The following STPG1 variants were observed in gnomAD, a reference collection of about 807,000 sequenced individuals.
STPG1 encodes sperm tail PG-rich repeat containing 1, also known as O(6)-methylguanine-induced apoptosis 2.
STPG1 carries 33 observed loss-of-function variants against 40.1 expected under a neutral mutation model. The observed-to-expected ratio is 0.82, with a 90% CI of 0.62 to 1.10. The LOEUF is 1.10. Among genes scored for constraint, STPG1 ranks in the 50% least tolerant of loss-of-function variants. The probability of loss-of-function intolerance (pLI) is 0.00; values close to 1 mark genes in which losing one functional copy is unlikely to be tolerated. For missense variants in STPG1, 396 were observed against 415.1 expected (o/e 0.95, Z 0.40); for synonymous variants, 150 against 155.0 (o/e 0.97, Z 0.24).
At chr1:24,369,593 G>A in intron 7 of STPG1, 81 bp downstream of exon 7, 1 of 1,459,790 alleles carries the variant, frequency 6.9e-7, no homozygotes, top group Non-Finnish European at 9.3e-7. Flanking sequence ...GCCAAGCAGT[G>A]ACACCCCATC....
rs999236754 is a variant in STPG1, at chr1:24,359,481, C to T, written c.929-862G>A. ...AGATGAGCCCCAGATCAAACCTCTA[C>T]AGCCTTGCTGGTGTGATTATCACCA... On this transcript the variant is annotated intron_variant, in intron 8 of 8. Transcript: ENST00000337248. This position sits in a 1 kb window ranked among gnomAD's most constrained non-coding sequence, Gnocchi z 5.3. 6.6e-6 allele frequency among the ~76,000 whole-genome samples: 1 copy of T among 152,214 alleles called. No homozygotes were observed. The highest frequency in any genetic ancestry group is 1.9e-4 in the East Asian group (1 of 5,188).
Position 24,369,773 on chromosome 1 carries a change from G to T in STPG1, c.638C>A (p.Ser213Ter), listed in dbSNP as rs775702707. ...CAGTTTTAATCCACGGTTGGTTTTT[G>T]ATTTAAAACAAGACATTAATGTATT... ...SPNTLMSCFK[S>*]KTNRGLKLTS... Residue 213 changes from serine (S) to a stop codon, truncating the protein, a stop_gained, in exon 7 of 9, where the codon TCA becomes TAA. Transcript: ENST00000337248. LOFTEE classifies it high-confidence loss of function. 3.7e-6 allele frequency: 6 copies of T among 1,613,244 alleles called. No individual in the cohort carries two copies. In the South Asian group the frequency reaches 4.4e-5, roughly 12 times the overall value.
chr1:24,382,566 T>C (rs1197647658), intron 4 of STPG1, among the ~76,000 whole-genome samples: 1 of 152,110 alleles, frequency 6.6e-6, no homozygotes, highest in African/African-American at 2.4e-5. Flanking sequence ...GAGACGGCAC[T>C]TCTTTTGAGC....
chr1:24,364,492 T>G, intron 7 of STPG1: 1 of 1,380,154 alleles, frequency 7.2e-7, no homozygotes, highest in Non-Finnish European at 9.4e-7. Context: ...ATGTTGCATT[T>G]TCTATGGCTT....
chr1:24,379,619 A>C, intron 5 of STPG1, 34 bp downstream of exon 5: 2 of 1,604,300 alleles, frequency 1.2e-6, no homozygotes, highest in Non-Finnish European at 1.7e-6. Flanking sequence ...CATTAATTCG[A>C]TCTGTATTTA....
intron 7 of STPG1, chr1:24,369,412 G>T: frequency 1.7e-6 from 1 of 602,112 alleles, no homozygotes; most frequent in Admixed American, 2.2e-5. Flanking sequence ...CCTCCTCTAT[G>T]GGGTAAGAGT....
chr1:24,406,739 A>C (rs1257630695), intron 1 of STPG1, among the ~76,000 whole-genome samples: 1 of 152,160 alleles, frequency 6.6e-6, no homozygotes, highest in African/African-American at 2.4e-5. Context: ...TGAGAAGTCC[A>C]CTGTAATGCT....
intron 4 of STPG1, among the ~76,000 whole-genome samples, chr1:24,380,533 C>T (rs1642235302): frequency 6.6e-6 from 1 of 152,170 alleles, no homozygotes; most frequent in Non-Finnish European, 1.5e-5. Context: ...CAAAAAATTT[C>T]CCACTATTTA....
rs140486055 is a variant in STPG1, at chr1:24,388,110, A to C, written c.189+3451T>G. 6.0e-4 allele frequency among the ~76,000 whole-genome samples: 92 copies of C among 152,264 alleles called. No homozygotes were observed. In the East Asian group the frequency reaches 0.015, roughly 24 times the overall value. On this transcript the variant is annotated intron_variant, in intron 3 of 8. Transcript: ENST00000337248. ...CCTGTATTTATTTATTCAAGCCTGG[A>C]AGGGATGAGGTGTAGAACCATGAAA...
chr1:24,386,753 C>T (rs909673550), intron 3 of STPG1, among the ~76,000 whole-genome samples: 2 of 152,212 alleles, frequency 1.3e-5, no homozygotes, highest in African/African-American at 2.4e-5. Context: ...CCTCTCAGAG[C>T]AAATCCCAGA....
chr1:24,387,224 C>T (rs1000893800), intron 3 of STPG1, among the ~76,000 whole-genome samples: 43 of 152,152 alleles, frequency 2.8e-4, no homozygotes, highest in East Asian at 1.9e-4. Context: ...AAGATACAGG[C>T]GCAACCTGTT....
chr1:24,390,946 C>G (rs766130222), intron 3 of STPG1, among the ~76,000 whole-genome samples: 26 of 151,932 alleles, frequency 1.7e-4, no homozygotes, highest in Non-Finnish European at 3.2e-4. Flanking sequence ...TCTACAGGCA[C>G]ACACCACTAT....
rs764830372 is a variant in STPG1, at chr1:24,391,426, G to A, written c.189+135C>T. 6.8e-5 allele frequency: 38 copies of A among 557,520 alleles called. No individual in the cohort carries two copies. The Middle Eastern group carries it at 1.3e-3, about 20-fold the overall frequency. The allele number at this position is 557,520 out of a possible 1,614,324, so 34.5% of individuals were successfully genotyped here. ...AGTCCAGTCGGTGCCCCTCAGTGGA[G>A]CTGGTGCCGCGGCTCCTGGGAGCAC... On this transcript the variant is annotated intron_variant, in intron 3 of 8. Transcript: ENST00000337248.
chr1:24,411,932 T>G (rs1643689489), intron 1 of STPG1: 1 of 151,280 alleles, frequency 6.6e-6, no homozygotes, highest in Non-Finnish European at 1.5e-5. Flanking sequence ...AGTTCCTTCC[T>G]GTATCAAAGC....
At chr1:24,365,643 A>G (rs938664578) in intron 7 of STPG1, among the ~76,000 whole-genome samples, 2 of 152,202 alleles carry the variant, frequency 1.3e-5, no homozygotes, top group Admixed American at 1.3e-4. Flanking sequence ...GCGGGGCCAC[A>G]CTAGAAACCC....
chr1:24,385,962 GAC>G (rs964852385), intron 3 of STPG1, among the ~76,000 whole-genome samples: 6 of 152,254 alleles, frequency 3.9e-5, no homozygotes, highest in Non-Finnish European at 8.8e-5. Flanking sequence ...AGATAGTGAA[GAC>G]ACACACCTCT....
intron 3 of STPG1, among the ~76,000 whole-genome samples, chr1:24,389,453 T>C (rs1031019005): frequency 3.3e-5 from 5 of 152,138 alleles, no homozygotes; most frequent in Non-Finnish European, 5.9e-5. Context: ...AGACCTGGGT[T>C]GAGGTCTAAT....
In STPG1 at chr1:24,399,304, C is replaced by G. The variant is rs1222333307; in HGVS notation, c.70+2015G>C. The stretch of plus-strand genomic sequence containing the variant: ...ACTTGATTTATGACAAAGGTAGCAA[C>G]AGCAATACAGAGTAGTAGAGAATGA... On this transcript the variant is annotated intron_variant, in intron 2 of 8. Coordinates refer to ENST00000337248, the MANE Select transcript of STPG1 (RefSeq NM_001199013.2). The surrounding 1 kb of genome is among the most constrained non-coding windows in gnomAD (Gnocchi z 4.0). Among the ~76,000 whole-genome samples, 1 of 152,072 alleles carries G rather than the reference C, an allele frequency of 6.6e-6. No homozygotes were observed. The highest frequency in any genetic ancestry group is 1.5e-5 in the Non-Finnish European group (1 of 67,976).
At chr1:24,404,695 C>T (rs764193494) in intron 1 of STPG1, among the ~76,000 whole-genome samples, 12 of 152,116 alleles carry the variant, frequency 7.9e-5, no homozygotes, top group East Asian at 1.9e-4. Context: ...ACGAAACTTA[C>T]GGGCATAAAG....
Sources: gnomAD v4.1 joint callset for allele counts (sites outside exome capture counted in the v4.1 genomes callset) on GRCh38, gnomAD v4.1.1 for gene constraint, Gnocchi (gnomAD v3.1) non-coding constraint, MANE v1.5 for transcripts, NCBI Gene and HGNC (gene_info 2026-07-23, HGNC 2026-07-21) for gene names.